Variants in ITGBL1 observed in about 807,000 individuals in gnomAD.
ITGBL1 encodes the protein integrin subunit beta like 1, also known as integrin beta-like protein 1.
A neutral mutation model predicts 68.5 loss-of-function variants in ITGBL1; 51 were observed. The ratio of observed to expected loss-of-function variants is 0.74; its 90% CI spans 0.59 to 0.94. ITGBL1 has a LOEUF of 0.94. ITGBL1 is among the 40% of genes least tolerant of loss of function. The pLI, the probability that ITGBL1 is intolerant of heterozygous loss-of-function variation, is 0.00. For synonymous variants in ITGBL1, 209 were observed against 227.3 expected, an observed-to-expected ratio of 0.92 and a Z score of 0.72; for missense variants, 649 against 647.4, an observed-to-expected ratio of 1.00 and a Z score of -0.03.
chr13:101,706,902 GGTGA>G lies in ITGBL1; in HGVS notation c.1279+3_1279+6del, dbSNP rs2034276677. The G allele has an allele frequency of 3.7e-6, 6 of 1,613,428 alleles. No individual in the cohort carries two copies. The highest frequency in any genetic ancestry group is 5.1e-6 in the Non-Finnish European group (6 of 1,179,524). ...AGATGGCATATTGTGCTCGGGGAAG[GGTGA>G]GTATCTCTGCTGGTGCCTGGACTCC... On this transcript the variant is annotated splice_donor_variant and splice_donor_region_variant and intron_variant, in intron 9 of 10. Transcript: ENST00000376180. LOFTEE classifies it high-confidence loss of function.
intron 7 of ITGBL1, among the ~76,000 whole-genome samples, chr13:101,619,628 A>T (rs985621443): frequency 6.6e-6 from 1 of 152,170 alleles, no homozygotes; most frequent in Admixed American, 6.6e-5. Context: ...TTAGGCATAA[A>T]GTTTGTGGTA....
intron 2 of ITGBL1, among the ~76,000 whole-genome samples, chr13:101,523,458 G>T (rs543181310): frequency 6.6e-6 from 1 of 152,174 alleles, no homozygotes; most frequent in Admixed American, 6.5e-5. Flanking sequence ...AAATTAATGC[G>T]GTTTTGCTAT....
intron 2 of ITGBL1, among the ~76,000 whole-genome samples, chr13:101,480,019 T>C (rs970846891): frequency 2.0e-5 from 3 of 152,148 alleles, no homozygotes; most frequent in Non-Finnish European, 4.4e-5. Context: ...TGCCCTGTTA[T>C]GTTTATTGCA....
intron 7 of ITGBL1, among the ~76,000 whole-genome samples, chr13:101,685,866 C>T (rs1286967045): frequency 2.0e-5 from 3 of 152,038 alleles, no homozygotes; most frequent in Admixed American, 1.3e-4. Flanking sequence ...AAGAAGAATT[C>T]GTAATCCAAT....
At chr13:101,611,821 T>C (rs1192531079) in intron 7 of ITGBL1, among the ~76,000 whole-genome samples, 1 of 152,154 alleles carries the variant, frequency 6.6e-6, no homozygotes, top group Non-Finnish European at 1.5e-5. Flanking sequence ...TTATATCTAC[T>C]CAAATGGACA....
At position 101,452,721 on chromosome 13, in the gene ITGBL1, G is replaced by A. The variant is rs2048181321; in HGVS notation, c.-113G>A. Reference sequence around the variant, plus strand: ...CCCGGACCTGCAAGCCTGGGTGTCCGTGGGTCCGTCTGCCCAGCCATCTGC... The same window carrying A: ...CCCGGACCTGCAAGCCTGGGTGTCCATGGGTCCGTCTGCCCAGCCATCTGC... On this transcript the variant is annotated 5_prime_UTR_variant, in exon 1 of 11. The change creates a new upstream start codon in the 5' untranslated region. Transcript: ENST00000376180. 8.8e-6 allele frequency: 7 copies of A among 799,096 alleles called. No individual in the cohort carries two copies. Among genetic ancestry groups the A allele is most frequent in the African/African-American group, 1.7e-5 (1 of 59,226 alleles). The allele number at this position is 799,096 out of a possible 1,614,324, so 49.5% of individuals were successfully genotyped here. A position where few individuals can be genotyped will look rare whatever the true frequency, so the allele number is the denominator to read the frequency against.
intron 4 of ITGBL1, among the ~76,000 whole-genome samples, chr13:101,577,739 C>CT (rs929184025): frequency 1.3e-4 from 20 of 151,850 alleles, no homozygotes; most frequent in South Asian, 4.2e-4. Context: ...TACACTATTG[C>CT]TTTTTTTTCA....
downstream of ITGBL1, chr13:101,718,863 AAG>A (rs1214793061): frequency 1.3e-5 from 2 of 151,980 alleles, no homozygotes; most frequent in Admixed American, 1.3e-4. Context: ...CTCCATATTC[AAG>A]AGAGTCAACA....
intron 5 of ITGBL1, among the ~76,000 whole-genome samples, chr13:101,582,291 T>G (rs950300367): frequency 4.6e-5 from 7 of 152,328 alleles, no homozygotes; most frequent in African/African-American, 1.4e-4. Context: ...TTCAATTTCC[T>G]TTTTTAGTAA....
Position 101,575,472 on chromosome 13 carries a change from G to C in ITGBL1, c.512G>C (p.Gly171Ala). ...RCKCDNSDGS[G>A]LVYGKFCECD... ...AAGTGTGATAATTCAGATGGAAGTG[G>C]ACTTGTGTATGGTAAATTTTGTGAG... The change falls in exon 4 of 11, where the codon GGA (glycine) becomes GCA (alanine). Residue 171 changes from glycine to alanine, a missense_variant. Transcript: ENST00000376180. 6.2e-7 allele frequency: 1 copy of C among 1,612,958 alleles called. No individual in the cohort carries two copies.
chr13:101,456,834 G>C (rs916178870), intron 2 of ITGBL1, among the ~76,000 whole-genome samples: 1 of 152,174 alleles, frequency 6.6e-6, no homozygotes, highest in African/African-American at 2.4e-5. Context: ...AGAATCGCTT[G>C]AACCCGGCAG....
intron 6 of ITGBL1, among the ~76,000 whole-genome samples, chr13:101,590,884 A>G (rs551479104): frequency 2.2e-4 from 33 of 152,128 alleles, no homozygotes; most frequent in Non-Finnish European, 3.8e-4. Context: ...AGGGCTGGAA[A>G]TAAAGAAAGA....
At chr13:101,511,211 A>G (rs1038572031) in intron 2 of ITGBL1, among the ~76,000 whole-genome samples, 2 of 152,138 alleles carry the variant, frequency 1.3e-5, no homozygotes, top group Non-Finnish European at 2.9e-5. Flanking sequence ...GAAAAAAAAG[A>G]AAACTTCAGG....
At chr13:101,583,466 A>C (rs1192216279) in intron 6 of ITGBL1, 110 bp downstream of exon 6, 1 of 813,320 alleles carries the variant, frequency 1.2e-6, no homozygotes, top group African/African-American at 1.8e-5. Context: ...ACTGTTGGAT[A>C]GCACAATAGG....
chr13:101,478,779 A>G (rs2048573678), intron 2 of ITGBL1, among the ~76,000 whole-genome samples: 1 of 152,136 alleles, frequency 6.6e-6, no homozygotes, highest in African/African-American at 2.4e-5. Flanking sequence ...CTCTACAATG[A>G]AAACTATAAA....
At chr13:101,550,260 G>C (rs2049898911) in intron 2 of ITGBL1, among the ~76,000 whole-genome samples, 1 of 152,040 alleles carries the variant, frequency 6.6e-6, no homozygotes, top group African/African-American at 2.4e-5. Flanking sequence ...AGACAGACAT[G>C]GTGCCTGCCT....
chr13:101,717,927 T>C (rs1468404153), downstream of ITGBL1: 2 of 152,148 alleles, frequency 1.3e-5, no homozygotes, highest in African/African-American at 4.8e-5. Context: ...AAAGTGCTGC[T>C]CTTTTTCATA....
intron 7 of ITGBL1, among the ~76,000 whole-genome samples, chr13:101,666,247 C>A (rs886399594): frequency 6.6e-6 from 1 of 152,106 alleles, no homozygotes; most frequent in Non-Finnish European, 1.5e-5. Context: ...ACTGAATGAA[C>A]CCTTTGTACT....
At chr13:101,527,066 T>A (rs574846534) in intron 2 of ITGBL1, among the ~76,000 whole-genome samples, 156 of 152,202 alleles carry the variant, frequency 1.0e-3, no homozygotes, top group African/African-American at 3.6e-3. Flanking sequence ...TAGTTATGTC[T>A]CTTTAGTCTC....
Sources: gnomAD v4.1 joint callset for allele counts (sites outside exome capture counted in the v4.1 genomes callset) on GRCh38, gnomAD v4.1.1 for gene constraint, MANE v1.5 for transcripts, NCBI Gene and HGNC (gene_info 2026-07-23, HGNC 2026-07-21) for gene names.